PARM1: variants seen among roughly 807,000 people sequenced by gnomAD.
PARM1 encodes the protein WSC4, cell wall integrity and stress response component 4 homolog.
Under a neutral mutation model 24.6 loss-of-function variants are expected in PARM1, and 14 were observed. The observed-to-expected ratio is 0.57, with a 90% CI of 0.38 to 0.89. The LOEUF (loss-of-function observed/expected upper bound fraction) is 0.89, where lower values mean the gene tolerates loss of function less well. Ranked by LOEUF, PARM1 falls within the 40% of genes least tolerant of loss-of-function variation. The pLI is 0.00. For synonymous variants in PARM1, 179 were observed against 156.6 expected, an observed-to-expected ratio of 1.14 and a Z score of -1.07; for missense variants, 362 against 380.4, an observed-to-expected ratio of 0.95 and a Z score of 0.40.
At chr4:75,004,878 A>G (rs1722742557) in intron 1 of PARM1, among the ~76,000 whole-genome samples, 1 of 152,224 alleles carries the variant, frequency 6.6e-6, no homozygotes, top group South Asian at 2.1e-4. Context: ...TAGAATCATT[A>G]AAAAGCTGGT....
chr4:74,959,270 A>G (rs926587766), intron 1 of PARM1, among the ~76,000 whole-genome samples: 1 of 152,186 alleles, frequency 6.6e-6, no homozygotes. Context: ...CCCCATCACT[A>G]TTTTACAAAT....
chr4:74,945,448 G>A (rs930429830), intron 1 of PARM1, among the ~76,000 whole-genome samples: 12 of 152,090 alleles, frequency 7.9e-5, no homozygotes, highest in Non-Finnish European at 1.5e-4. Context: ...TACAGCCCTC[G>A]AAAATAAGAT....
intron 2 of PARM1, among the ~76,000 whole-genome samples, chr4:75,024,345 T>C (rs1178120926): frequency 6.6e-6 from 1 of 151,924 alleles, no homozygotes; most frequent in Admixed American, 6.6e-5. Context: ...TCCTAGGAGG[T>C]CCCTGAGTCC....
At chr4:75,019,626 A>G (rs1220147924) in intron 2 of PARM1, among the ~76,000 whole-genome samples, 1 of 152,258 alleles carries the variant, frequency 6.6e-6, no homozygotes, top group Non-Finnish European at 1.5e-5. Flanking sequence ...AGGGACTTTC[A>G]GCTCTACAAG....
chr4:74,971,405 T>C (rs979945037), intron 1 of PARM1, among the ~76,000 whole-genome samples: 5 of 152,228 alleles, frequency 3.3e-5, no homozygotes, highest in Non-Finnish European at 5.9e-5. Context: ...GGAGTTATAA[T>C]TCAAGATGAG....
chr4:74,995,888 G>A (rs2109783028), intron 1 of PARM1, among the ~76,000 whole-genome samples: 1 of 152,190 alleles, frequency 6.6e-6, no homozygotes, highest in South Asian at 2.1e-4. Flanking sequence ...AAAGTTCAGA[G>A]CTCACACGTG....
chr4:74,933,403 C>T (rs1472850348), intron 1 of PARM1, 33 bp downstream of exon 1: 3 of 1,602,240 alleles, frequency 1.9e-6, no homozygotes, highest in East Asian at 4.5e-5. Context: ...AAGGGCAGGT[C>T]GCGGGGTGGG....
intron 1 of PARM1, among the ~76,000 whole-genome samples, chr4:74,980,320 T>C (rs776857156): frequency 8.1e-4 from 123 of 152,024 alleles, no homozygotes; most frequent in African/African-American, 2.9e-3. Flanking sequence ...TATACACCAA[T>C]AACACACAAG....
intron 3 of PARM1, among the ~76,000 whole-genome samples, chr4:75,038,299 T>C (rs1723411205): frequency 6.6e-6 from 1 of 152,220 alleles, no homozygotes; most frequent in Non-Finnish European, 1.5e-5. Flanking sequence ...CTCAAGATTG[T>C]TACAAAGATT....
In PARM1 at chr4:75,037,123, G is replaced by A. The variant is rs537836522; in HGVS notation, c.848+3162G>A. Among the ~76,000 whole-genome samples the A allele has an allele frequency of 3.3e-5, 5 of 152,252 alleles. No individual in the cohort carries two copies. The South Asian group carries it at 6.2e-4, about 19-fold the overall frequency. On this transcript the variant is annotated intron_variant, in intron 3 of 3. Coordinates refer to ENST00000307428, the MANE Select transcript of PARM1 (RefSeq NM_015393.4). ...GTTCATCAAAAATACTTTAATTGACGTGTGTGTGTGCATGTATGTTCCTAA... is the reference window on the plus strand; with the variant it reads ...GTTCATCAAAAATACTTTAATTGACATGTGTGTGTGCATGTATGTTCCTAA...
At chr4:75,041,718 A>G (rs1206120060) in intron 3 of PARM1, among the ~76,000 whole-genome samples, 1 of 152,174 alleles carries the variant, frequency 6.6e-6, no homozygotes, top group African/African-American at 2.4e-5. Flanking sequence ...ATCATTTACC[A>G]TTTGTCACCA....
intron 3 of PARM1, among the ~76,000 whole-genome samples, chr4:75,040,291 A>G (rs79251283): frequency 6.6e-6 from 1 of 152,176 alleles, no homozygotes; most frequent in South Asian, 2.1e-4. Flanking sequence ...CAATGTGTAG[A>G]CCTTTTCTGT....
chr4:74,979,133 C>A (rs190090001), intron 1 of PARM1, among the ~76,000 whole-genome samples: 4 of 150,976 alleles, frequency 2.6e-5, no homozygotes, highest in Admixed American at 2.0e-4. Context: ...GAGATAGAGA[C>A]GCACACACAC....
At chr4:75,035,788 G>T (rs532702077) in intron 3 of PARM1, among the ~76,000 whole-genome samples, 2 of 152,206 alleles carry the variant, frequency 1.3e-5, no homozygotes, top group African/African-American at 4.8e-5. Flanking sequence ...GGAATTAAAG[G>T]GCCCGCTTGA....
intron 1 of PARM1, among the ~76,000 whole-genome samples, chr4:74,963,174 T>C (rs2109990407): frequency 6.6e-6 from 1 of 152,344 alleles, no homozygotes. Flanking sequence ...ATCAAACCTC[T>C]TTCCTTTATA....
intron 2 of PARM1, among the ~76,000 whole-genome samples, chr4:75,032,998 G>T (rs1295404622): frequency 1.3e-5 from 2 of 152,178 alleles, no homozygotes; most frequent in South Asian, 4.1e-4. Context: ...TTAATGCAAA[G>T]CTCACACAAA....
chr4:75,021,819 G>T (rs62314890), intron 2 of PARM1, among the ~76,000 whole-genome samples: 1,542 of 149,770 alleles, frequency 0.01, 15 homozygotes, highest in Non-Finnish European at 0.015. Context: ...ATAGTATTCC[G>T]TAGTGTATAT....
chr4:74,966,223 A>G (rs1026358612), intron 1 of PARM1, among the ~76,000 whole-genome samples: 4 of 152,190 alleles, frequency 2.6e-5, no homozygotes, highest in Non-Finnish European at 1.5e-5. Flanking sequence ...CATAGCTATC[A>G]TGTCAAAAAA....
intron 2 of PARM1, among the ~76,000 whole-genome samples, chr4:75,028,636 T>C (rs961290978): frequency 1.3e-5 from 2 of 152,254 alleles, no homozygotes; most frequent in Non-Finnish European, 2.9e-5. Flanking sequence ...ATAAGCTGAC[T>C]GGTGAATTTT....
Sources: allele counts gnomAD v4.1 joint callset (sites outside exome capture counted in the v4.1 genomes callset), GRCh38; gene constraint gnomAD v4.1.1; transcripts MANE v1.5; gene names NCBI Gene and HGNC (gene_info 2026-07-23, HGNC 2026-07-21).